PAPPA: variants seen among roughly 807,000 people sequenced by gnomAD.
PAPPA encodes the protein pappalysin-1.
Under a neutral mutation model 164.0 loss-of-function variants are expected in PAPPA, and 60 were observed. The observed-to-expected ratio is 0.37, with a 90% CI of 0.30 to 0.45. The LOEUF (loss-of-function observed/expected upper bound fraction) is 0.45. Ranked by LOEUF, PAPPA falls within the 20% of genes least tolerant of loss-of-function variation. PAPPA has a pLI of 1.00. For synonymous variants in PAPPA, 875 were observed against 814.1 expected (o/e 1.07, Z -1.27); for missense variants, 1,782 against 2,087.3 (o/e 0.85, Z 2.85).
chr9:116,226,190 T>C (rs979983284), intron 5 of PAPPA, among the ~76,000 whole-genome samples: 1 of 152,110 alleles, frequency 6.6e-6, no homozygotes, highest in Non-Finnish European at 1.5e-5. Flanking sequence ...TGAAAGAGCA[T>C]TGAATACCAC....
intron 7 of PAPPA, among the ~76,000 whole-genome samples, chr9:116,241,806 AG>A (rs1844738748): frequency 6.6e-6 from 1 of 152,164 alleles, no homozygotes; most frequent in Admixed American, 6.6e-5. Context: ...GGTCAGGTGA[AG>A]GCACAGGTGG....
intron 1 of PAPPA, among the ~76,000 whole-genome samples, chr9:116,157,865 A>G (rs1305764997): frequency 6.6e-6 from 1 of 152,070 alleles, no homozygotes; most frequent in Non-Finnish European, 1.5e-5. Flanking sequence ...GGCAGGAGGA[A>G]CCAGACCCCT....
Position 116,398,622 on chromosome 9 carries a change from A to C in PAPPA, c.*2006A>C. Reference sequence around the variant, plus strand: ...GGCCAATTACACTAAGAAACATATCAAGGTGCTTTTGGCACAGGTGCCCAC... The same window carrying C: ...GGCCAATTACACTAAGAAACATATCCAGGTGCTTTTGGCACAGGTGCCCAC... On this transcript the variant is annotated 3_prime_UTR_variant, in exon 22 of 22. Coordinates refer to ENST00000328252, the MANE Select transcript of PAPPA (RefSeq NM_002581.5). The C allele has an allele frequency of 1.6e-5, 17 of 1,041,248 alleles. No individual in the cohort carries two copies. The highest frequency in any genetic ancestry group is 2.2e-5 in the Non-Finnish European group (17 of 761,932). 64.5% of individuals were successfully genotyped at this position (1,041,248 alleles called of 1,614,324 possible). A position where few individuals can be genotyped will look rare whatever the true frequency, so the allele number is the denominator to read the frequency against.
rs1328999521 is a variant in PAPPA at position 116,241,420 on chromosome 9, A to C, written c.2732+5783A>C. Among the ~76,000 whole-genome samples, 3 of 152,204 alleles carry C rather than the reference A, an allele frequency of 2.0e-5. No individual in the cohort carries two copies. The East Asian group carries it at 5.8e-4, about 29-fold the overall frequency. ...CTCTCTGATGAGATGACATTTGAAC[A>C]GAAACCAGAAGTGTCCCCCAGTAAC... On this transcript the variant is annotated intron_variant, in intron 7 of 21. Coordinates refer to ENST00000328252, the MANE Select transcript of PAPPA (RefSeq NM_002581.5).
At chr9:116,327,257 C>T (rs1327859350) in intron 10 of PAPPA, among the ~76,000 whole-genome samples, 1 of 152,194 alleles carries the variant, frequency 6.6e-6, no homozygotes, top group African/African-American at 2.4e-5. Flanking sequence ...GTGTTACTTC[C>T]TGACATCTCT....
chr9:116,306,798 C>G (rs534441249), intron 10 of PAPPA, among the ~76,000 whole-genome samples: 2 of 152,144 alleles, frequency 1.3e-5, no homozygotes, highest in Admixed American at 1.3e-4. Context: ...CCTTTTACCC[C>G]GGCCTCCAGC....
At chr9:116,156,314 A>ATG (rs1382207390) in intron 1 of PAPPA, among the ~76,000 whole-genome samples, 147 of 99,726 alleles carry the variant, frequency 1.5e-3, no homozygotes, top group African/African-American at 3.2e-3. Context: ...ATGTATATAT[A>ATG]TGTGTGTATA....
intron 7 of PAPPA, among the ~76,000 whole-genome samples, chr9:116,248,149 C>T (rs554227292): frequency 1.3e-5 from 2 of 152,148 alleles, no homozygotes; most frequent in African/African-American, 4.8e-5. Context: ...AGCAGTTTCC[C>T]GTAAACTCTA....
intron 13 of PAPPA, among the ~76,000 whole-genome samples, chr9:116,339,809 C>T (rs80216008): frequency 2.5e-4 from 38 of 152,282 alleles, no homozygotes; most frequent in East Asian, 2.3e-3. Context: ...TGGCTTTATC[C>T]GGGTTCCAGC....
chr9:116,335,765 G>T (rs1189096024), intron 13 of PAPPA, among the ~76,000 whole-genome samples: 1 of 152,122 alleles, frequency 6.6e-6, no homozygotes, highest in Non-Finnish European at 1.5e-5. Context: ...TCTTGAATGG[G>T]TGTTCTTGGG....
chr9:116,267,664 G>A (rs2118817409), intron 8 of PAPPA, among the ~76,000 whole-genome samples: 1 of 152,056 alleles, frequency 6.6e-6, no homozygotes, highest in East Asian at 1.9e-4. Flanking sequence ...ATGAGGTCAG[G>A]AGATCGAGAC....
At chr9:116,182,497 C>A (rs1843918613) in intron 1 of PAPPA, among the ~76,000 whole-genome samples, 1 of 152,024 alleles carries the variant, frequency 6.6e-6, no homozygotes, top group South Asian at 2.1e-4. Flanking sequence ...TTTGTTGGTG[C>A]CTGGGTGGCA....
intron 1 of PAPPA, among the ~76,000 whole-genome samples, chr9:116,171,328 G>A (rs901826615): frequency 2.0e-5 from 3 of 152,142 alleles, no homozygotes; most frequent in African/African-American, 7.2e-5. Context: ...GCATGGGGTT[G>A]TTTCAGTTTC....
chr9:116,290,116 C>T (rs1845417754), intron 9 of PAPPA, among the ~76,000 whole-genome samples: 2 of 152,110 alleles, frequency 1.3e-5, no homozygotes, highest in African/African-American at 2.4e-5. Context: ...TATCTTTACA[C>T]CCACTTTTGA....
chr9:116,389,222 T>C lies in PAPPA; in HGVS notation c.4776+6729T>C, dbSNP rs569231010. On this transcript the variant is annotated intron_variant, in intron 21 of 21. Transcript: ENST00000328252. Reference sequence around the variant, plus strand: ...ATCTTGGCTCACTGCAACCTCCGCCTCCCAGGTTCAAGCAATTCTCCTGCC... The same window carrying C: ...ATCTTGGCTCACTGCAACCTCCGCCCCCCAGGTTCAAGCAATTCTCCTGCC... Among the ~76,000 whole-genome samples, 5 of 145,584 alleles carry C rather than the reference T, an allele frequency of 3.4e-5. No individual in the cohort carries two copies. In the South Asian group the frequency reaches 9.3e-4, roughly 27 times the overall value.
chr9:116,301,201 TG>T (rs1049120142), intron 9 of PAPPA, among the ~76,000 whole-genome samples: 2 of 152,160 alleles, frequency 1.3e-5, no homozygotes, highest in African/African-American at 4.8e-5. Context: ...TCCCAGGATA[TG>T]TTCCTTTTGT....
chr9:116,160,731 G>C (rs1010515398), intron 1 of PAPPA, among the ~76,000 whole-genome samples: 1 of 152,140 alleles, frequency 6.6e-6, no homozygotes, highest in Non-Finnish European at 1.5e-5. Flanking sequence ...TTTCCCTAAG[G>C]TTCTCCTAAC....
chr9:116,315,124 A>T (rs1845771890), intron 10 of PAPPA, among the ~76,000 whole-genome samples: 1 of 152,236 alleles, frequency 6.6e-6, no homozygotes, highest in Non-Finnish European at 1.5e-5. Context: ...ATCGGTGTCT[A>T]CAAGTGATTC....
rs144418063 is a variant in PAPPA at position 116,278,654 on chromosome 9, G to GTTTTT, written c.2953+7244_2953+7248dup. ...ACCCTCCATTGACAGTAGCCAAATC[G>GTTTTT]TTTTTTTTTTAGCATAGAATGTGTT... On this transcript the variant is annotated intron_variant, in intron 9 of 21. Coordinates refer to ENST00000328252, the MANE Select transcript of PAPPA (RefSeq NM_002581.5). Among the ~76,000 whole-genome samples the GTTTTT allele has an allele frequency of 7.3e-3, 1,088 of 148,750 alleles. 9 individuals are homozygous for GTTTTT. The highest frequency in any genetic ancestry group is 0.017 in the African/African-American group (705 of 40,588).
Sources: gnomAD v4.1 joint callset for allele counts (sites outside exome capture counted in the v4.1 genomes callset) on GRCh38, gnomAD v4.1.1 for gene constraint, MANE v1.5 for transcripts, NCBI Gene and HGNC (gene_info 2026-07-23, HGNC 2026-07-21) for gene names.